The following BNC2 variants were observed in gnomAD, a reference collection of about 807,000 sequenced individuals.
BNC2 encodes basonuclin zinc finger protein 2.
Under a neutral mutation model 76.3 loss-of-function variants are expected in BNC2, and 20 were observed. That is an observed-to-expected ratio of 0.26 (90% CI 0.18 to 0.38). The LOEUF (loss-of-function observed/expected upper bound fraction) is 0.38, where lower values mean the gene tolerates loss of function less well. Ranked by LOEUF, BNC2 falls within the 10% of genes least tolerant of loss-of-function variation. The pLI is 1.00. For missense variants in BNC2, 1,382 were observed against 1,399.8 expected (o/e 0.99, Z 0.20); for synonymous variants, 582 against 514.8 (o/e 1.13, Z -1.77).
At chr9:16,659,632 A>G (rs1344014230) in intron 3 of BNC2, among the ~76,000 whole-genome samples, 1 of 151,520 alleles carries the variant, frequency 6.6e-6, no homozygotes, top group Non-Finnish European at 1.5e-5. Flanking sequence ...AAAATTACCA[A>G]GCTTGTTTCT....
At chr9:16,575,776 C>T (rs12003277) in intron 4 of BNC2, among the ~76,000 whole-genome samples, 8,542 of 152,174 alleles carry the variant, frequency 0.056, 861 homozygotes, top group African/African-American at 0.19. Context: ...GAAAAAAGTC[C>T]AAGGACTTTG....
At chr9:16,686,982 G>A (rs1171906155) in intron 3 of BNC2, among the ~76,000 whole-genome samples, 1 of 152,070 alleles carries the variant, frequency 6.6e-6, no homozygotes, top group African/African-American at 2.4e-5. Flanking sequence ...GCAGGCCAAT[G>A]CGCGAGTCAC....
At chr9:16,421,257 C>A (rs1316066507) in intron 6 of BNC2, 12 of 1,299,748 alleles carry the variant, frequency 9.2e-6, no homozygotes, top group Non-Finnish European at 1.2e-5. Flanking sequence ...GAAGGCTGAG[C>A]TTACCTTGTG....
chr9:16,419,469 C>T lies in BNC2; in HGVS notation c.2820G>A (p.Gly940=), dbSNP rs1268436044. ...ACCCGTTCAGGTGGGAGTCTTCAGT[C>T]CCTGCGGGAGAGGAGGCGTCTTCCC... ...DVREDASSPA[G]TEDSHLNGYG... The change falls in exon 7 of 7, where the codon GGG becomes GGA. Residue 940 remains glycine, a synonymous_variant. Coordinates refer to ENST00000380672, the MANE Select transcript of BNC2 (RefSeq NM_017637.6). 4 of 1,613,908 alleles carry T rather than the reference C, an allele frequency of 2.5e-6. No homozygotes were observed. The highest frequency in any genetic ancestry group is 1.3e-5 in the African/African-American group (1 of 75,040).
At chr9:16,499,995 T>C (rs886661827) in intron 5 of BNC2, among the ~76,000 whole-genome samples, 8 of 152,182 alleles carry the variant, frequency 5.3e-5, no homozygotes, top group African/African-American at 1.4e-4. Context: ...TCCCAGACTA[T>C]GAAATGGGGC....
intron 3 of BNC2, among the ~76,000 whole-genome samples, chr9:16,622,872 C>T (rs1277487863): frequency 2.0e-5 from 3 of 151,866 alleles, no homozygotes; most frequent in Non-Finnish European, 4.4e-5. Flanking sequence ...TAATTATATA[C>T]TAAAAAAACC....
At chr9:16,504,467 G>C (rs369326403) in intron 5 of BNC2, among the ~76,000 whole-genome samples, 1 of 151,854 alleles carries the variant, frequency 6.6e-6, no homozygotes, top group Non-Finnish European at 1.5e-5. Context: ...AAAATAGACT[G>C]GTTAATAACT....
chr9:16,724,908 G>C (rs1041323299), intron 3 of BNC2, among the ~76,000 whole-genome samples: 1 of 151,776 alleles, frequency 6.6e-6, no homozygotes, highest in Non-Finnish European at 1.5e-5. Flanking sequence ...GTTTTCAAAC[G>C]TCTAAATAAA....
chr9:16,744,068 G>A (rs553031683), intron 1 of BNC2, among the ~76,000 whole-genome samples: 4 of 152,260 alleles, frequency 2.6e-5, no homozygotes, highest in South Asian at 2.1e-4. Context: ...CCGGGTTCAC[G>A]CCATTCTCCT....
intron 6 of BNC2, among the ~76,000 whole-genome samples, chr9:16,425,283 G>C (rs750569454): frequency 6.6e-6 from 1 of 152,152 alleles, no homozygotes; most frequent in Non-Finnish European, 1.5e-5. Context: ...TTACTGCACA[G>C]ATACGGCACG....
At chr9:16,510,541 G>C (rs1822729671) in intron 5 of BNC2, among the ~76,000 whole-genome samples, 1 of 152,184 alleles carries the variant, frequency 6.6e-6, no homozygotes, top group African/African-American at 2.4e-5. Context: ...TCCCGACATA[G>C]CTACATGCTG....
At chr9:16,670,295 A>AAT (rs1221434013) in intron 3 of BNC2, among the ~76,000 whole-genome samples, 5 of 152,214 alleles carry the variant, frequency 3.3e-5, no homozygotes, top group South Asian at 2.1e-4. Context: ...CTCTATTTAG[A>AAT]ATATACATAT....
intron 5 of BNC2, among the ~76,000 whole-genome samples, chr9:16,521,074 G>C (rs1217241215): frequency 1.3e-5 from 2 of 152,152 alleles, no homozygotes; most frequent in African/African-American, 4.8e-5. Flanking sequence ...ACATACATCA[G>C]ACAGGAGAAT....
At chr9:16,579,422 G>A (rs1472111293) in intron 4 of BNC2, among the ~76,000 whole-genome samples, 2 of 151,746 alleles carry the variant, frequency 1.3e-5, no homozygotes, top group African/African-American at 2.4e-5. Context: ...AGTTGGGACC[G>A]AGAGCACACG....
At chr9:16,569,579 T>A (rs1024516803) in intron 4 of BNC2, among the ~76,000 whole-genome samples, 1 of 152,154 alleles carries the variant, frequency 6.6e-6, no homozygotes, top group Admixed American at 6.5e-5. Context: ...GAGGCACACA[T>A]AAAAGTATTT....
At chr9:16,734,653 G>T (rs1587363330) in intron 2 of BNC2, among the ~76,000 whole-genome samples, 1 of 152,114 alleles carries the variant, frequency 6.6e-6, no homozygotes, top group Admixed American at 6.5e-5. Context: ...AGTTAGTTTG[G>T]TTTTTGCCAA....
At chr9:16,593,517 C>T (rs1256202982) in intron 3 of BNC2, among the ~76,000 whole-genome samples, 1 of 150,842 alleles carries the variant, frequency 6.6e-6, no homozygotes, top group African/African-American at 2.5e-5. Flanking sequence ...AAAGCATACG[C>T]AAGCTTTGGA....
chr9:16,702,473 C>T (rs1823542302), intron 3 of BNC2, among the ~76,000 whole-genome samples: 1 of 149,658 alleles, frequency 6.7e-6, no homozygotes, highest in South Asian at 2.1e-4. Context: ...CAAAGATCAA[C>T]CTAATGAAAA....
intron 5 of BNC2, among the ~76,000 whole-genome samples, chr9:16,535,156 AC>A (rs1818090541): frequency 6.6e-6 from 1 of 152,208 alleles, no homozygotes; most frequent in Non-Finnish European, 1.5e-5. Context: ...GGAAATCCAA[AC>A]TTTTGGGTTT....
Sources: gnomAD v4.1 joint callset for allele counts (sites outside exome capture counted in the v4.1 genomes callset) on GRCh38, gnomAD v4.1.1 for gene constraint, MANE v1.5 for transcripts, NCBI Gene and HGNC (gene_info 2026-07-23, HGNC 2026-07-21) for gene names.